XKR4: variants seen among roughly 807,000 people sequenced by gnomAD.
XKR4 encodes XK-related protein 4.
XKR4 carries 12 observed loss-of-function variants against 53.9 expected under a neutral mutation model. The observed-to-expected ratio is 0.22, with a 90% CI of 0.14 to 0.36. The LOEUF (loss-of-function observed/expected upper bound fraction) is 0.36. Ranked by LOEUF, XKR4 falls within the 10% of genes least tolerant of loss-of-function variation. The pLI is 1.00. For missense variants in XKR4, 799 were observed against 859.5 expected (o/e 0.93, Z 0.88); for synonymous variants, 354 against 362.4 (o/e 0.98, Z 0.26).
chr8:55,385,363 G>A (rs1804293155), intron 2 of XKR4, among the ~76,000 whole-genome samples: 1 of 152,032 alleles, frequency 6.6e-6, no homozygotes, highest in Non-Finnish European at 1.5e-5. Flanking sequence ...ATTTTCGTCT[G>A]GCACATCCTC....
intron 2 of XKR4, chr8:55,454,251 C>A: frequency 8.1e-7 from 1 of 1,234,738 alleles, no homozygotes; most frequent in Non-Finnish European, 1.2e-6. Context: ...CCATCCAGAT[C>A]AGCTACAATC....
At chr8:55,173,228 A>C (rs1236499452) in intron 1 of XKR4, among the ~76,000 whole-genome samples, 1 of 152,044 alleles carries the variant, frequency 6.6e-6, no homozygotes, top group East Asian at 1.9e-4. Context: ...TGTGCTGACA[A>C]TTGGATGGGT....
At chr8:55,488,094 T>G (rs1806221160) in intron 2 of XKR4, among the ~76,000 whole-genome samples, 1 of 152,216 alleles carries the variant, frequency 6.6e-6, no homozygotes, top group Admixed American at 6.5e-5. Flanking sequence ...TTATGGCCTT[T>G]GGGACTGTCT....
chr8:55,409,300 C>A (rs1424955463), intron 2 of XKR4, among the ~76,000 whole-genome samples: 2 of 152,226 alleles, frequency 1.3e-5, no homozygotes, highest in Non-Finnish European at 2.9e-5. Context: ...GCACATTTCA[C>A]CTGAGCGAGT....
At chr8:55,465,549 G>A (rs1260646177) in intron 2 of XKR4, among the ~76,000 whole-genome samples, 2 of 151,686 alleles carry the variant, frequency 1.3e-5, no homozygotes, top group African/African-American at 4.9e-5. Flanking sequence ...GAAAACCTAG[G>A]CAATACCATT....
At chr8:55,321,083 G>A (rs142455332) in intron 1 of XKR4, among the ~76,000 whole-genome samples, 107 of 152,132 alleles carry the variant, frequency 7.0e-4, no homozygotes, top group African/African-American at 2.4e-3. Flanking sequence ...GAAACGAGGA[G>A]GTAAGCTTCC....
At chr8:55,152,346 A>G (rs1193225712) in intron 1 of XKR4, among the ~76,000 whole-genome samples, 2 of 152,132 alleles carry the variant, frequency 1.3e-5, no homozygotes, top group African/African-American at 4.8e-5. Flanking sequence ...TTCTCCAGAG[A>G]GTTTTAAGGC....
chr8:55,148,027 TA>T (rs1274387030), intron 1 of XKR4, among the ~76,000 whole-genome samples: 1 of 152,038 alleles, frequency 6.6e-6, no homozygotes, highest in African/African-American at 2.4e-5. Context: ...CTCTAACCTG[TA>T]AAAAAAGGAG....
chr8:55,384,545 A>G (rs959673687), intron 2 of XKR4, among the ~76,000 whole-genome samples: 17 of 152,226 alleles, frequency 1.1e-4, no homozygotes, highest in African/African-American at 3.9e-4. Flanking sequence ...GAGAAATGGC[A>G]GTTCCAAGCA....
At chr8:55,177,397 G>C (rs1165706997) in intron 1 of XKR4, among the ~76,000 whole-genome samples, 1 of 152,154 alleles carries the variant, frequency 6.6e-6, no homozygotes, top group Admixed American at 6.5e-5. Flanking sequence ...TAAGTACTGG[G>C]CTCCCACCCA....
intron 2 of XKR4, among the ~76,000 whole-genome samples, chr8:55,469,422 C>T (rs1032672064): frequency 3.3e-5 from 5 of 152,084 alleles, no homozygotes; most frequent in African/African-American, 1.2e-4. Context: ...TTCCTCATTA[C>T]ACACTATATT....
At chr8:55,490,428 G>C (rs1806254557) in intron 2 of XKR4, among the ~76,000 whole-genome samples, 1 of 152,058 alleles carries the variant, frequency 6.6e-6, no homozygotes, top group Admixed American at 6.6e-5. Context: ...GGGAAGGAGA[G>C]GGGCAAGGGT....
intron 2 of XKR4, chr8:55,450,388 G>A: frequency 1.6e-6 from 1 of 609,496 alleles, no homozygotes. Context: ...GTCCTCGGGT[G>A]CATTCATGTA....
At chr8:55,111,976 C>T (rs560716105) in intron 1 of XKR4, among the ~76,000 whole-genome samples, 112 of 152,306 alleles carry the variant, frequency 7.4e-4, no homozygotes, top group Admixed American at 3.7e-3. Flanking sequence ...ATGGTGCACT[C>T]TGCTAGAAGA....
At chr8:55,352,222 T>C (rs1803734461) in intron 1 of XKR4, among the ~76,000 whole-genome samples, 1 of 152,186 alleles carries the variant, frequency 6.6e-6, no homozygotes, top group Non-Finnish European at 1.5e-5. Context: ...AGGGAATTCT[T>C]GAGTATTATA....
chr8:55,452,810 G>A (rs1404789796), intron 2 of XKR4: 2 of 774,266 alleles, frequency 2.6e-6, no homozygotes, highest in East Asian at 2.4e-5. Context: ...GGACCAGGCT[G>A]TTGCTGGTGC....
intron 1 of XKR4, among the ~76,000 whole-genome samples, chr8:55,302,714 C>G (rs1482976053): frequency 6.6e-6 from 1 of 152,084 alleles, no homozygotes. Flanking sequence ...TCCTTCACAT[C>G]CCTTGTAAGT....
At chr8:55,267,934 C>T (rs1382904840) in intron 1 of XKR4, among the ~76,000 whole-genome samples, 1 of 152,114 alleles carries the variant, frequency 6.6e-6, no homozygotes, top group Admixed American at 6.5e-5. Context: ...TAAACTGAGC[C>T]AACCCTATTT....
chr8:55,235,526 T>G (rs1417950127), intron 1 of XKR4, among the ~76,000 whole-genome samples: 1 of 150,942 alleles, frequency 6.6e-6, no homozygotes, highest in African/African-American at 2.4e-5. Context: ...AACTATTGTA[T>G]TAGTAAGTTA....
Sources: gnomAD v4.1 joint callset for allele counts (sites outside exome capture counted in the v4.1 genomes callset) on GRCh38, gnomAD v4.1.1 for gene constraint, MANE v1.5 for transcripts, NCBI Gene and HGNC (gene_info 2026-07-23, HGNC 2026-07-21) for gene names.